GALR2: variants seen among roughly 807,000 people sequenced by gnomAD.
The protein encoded by GALR2 is galanin receptor 2.
A neutral mutation model predicts 7.2 loss-of-function variants in GALR2; 5 were observed. That is an observed-to-expected ratio of 0.69 (90% CI 0.36 to 1.45). The LOEUF (loss-of-function observed/expected upper bound fraction) is 1.45, where lower values mean the gene tolerates loss of function less well. Ranked by LOEUF, GALR2 falls within the 40% of genes most tolerant of loss-of-function variation. The pLI is 0.03. For missense variants in GALR2, 561 were observed against 555.7 expected, an observed-to-expected ratio of 1.01 and a Z score of -0.10; for synonymous variants, 300 against 263.9, an observed-to-expected ratio of 1.14 and a Z score of -1.32.
At position 76,076,527 on chromosome 17, in the gene GALR2, G is replaced by C; in HGVS notation, c.369-109G>C. The stretch of plus-strand genomic sequence containing the variant: ...TCCTCTGTGTGCGGTGTAACCATGC[G>C]CTAAGGACCTTCCTCGAGAGCAGCC... On this transcript the variant is annotated intron_variant, in intron 1 of 1. Transcript: ENST00000329003. The surrounding 1 kb of genome is among the most constrained non-coding windows in gnomAD (Gnocchi z 6.5). 1.4e-6 allele frequency: 1 copy of C among 701,938 alleles called. No individual in the cohort carries two copies. The highest frequency in any genetic ancestry group is 1.8e-5 in the African/African-American group (1 of 56,020). The allele number at this position is 701,938 out of a possible 1,614,324, so 43.5% of individuals were successfully genotyped here. A position where few individuals can be genotyped will look rare whatever the true frequency, so the allele number is the denominator to read the frequency against.
chr17:76,076,681 G>T lies in GALR2; in HGVS notation c.414G>T (p.Thr138=), dbSNP rs767635340. ...RYPLHSRELR[T]PRNALAAIGL... ...CGCTGCACTCCCGCGAGCTGCGCAC[G>T]CCTCGAAACGCGCTGGCAGCCATCG... The change falls in exon 2 of 2, where the codon ACG becomes ACT. Residue 138 remains threonine (T), a synonymous_variant. Coordinates refer to ENST00000329003, the MANE Select transcript of GALR2 (RefSeq NM_003857.4). The surrounding 1 kb of genome is among the most constrained non-coding windows in gnomAD (Gnocchi z 6.5). The T allele has an allele frequency of 6.3e-7, 1 of 1,599,428 alleles. No individual in the cohort carries two copies. Among genetic ancestry groups the T allele is most frequent in the Admixed American group, 1.7e-5 (1 of 59,850 alleles).
Position 76,077,167 on chromosome 17 carries a change from C to T in GALR2, c.900C>T (p.Arg300=), listed in dbSNP as rs1567941892. 6.2e-7 allele frequency: 1 copy of T among 1,612,170 alleles called. No homozygotes were observed. The highest frequency in any genetic ancestry group is 8.5e-7 in the Non-Finnish European group (1 of 1,179,632). The change falls in exon 2 of 2, where the codon CGC becomes CGT. Residue 300 remains arginine, a synonymous_variant. Coordinates refer to ENST00000329003, the MANE Select transcript of GALR2 (RefSeq NM_003857.4). The part of the protein sequence containing the change: ...IVYALVSKHF[R]KGFRTICAGL... ...ACGCGCTGGTCTCCAAGCACTTCCG[C>T]AAAGGCTTCCGCACGATCTGCGCGG... is the stretch of plus-strand genomic sequence containing the variant.
At chr17:76,072,431 CACCGCCGCCGCCACT>C, upstream of GALR2, 1 of 1,569,442 alleles carries the variant, frequency 6.4e-7, no homozygotes, top group East Asian at 2.3e-5. This position sits in a 1 kb window ranked among gnomAD's most constrained non-coding sequence, Gnocchi z 4.5. Flanking sequence ...CCGCCACTGC[CACCGCCGCCGCCACT>C]GCCGCCGCCG....
At chr17:76,074,682 G>T, upstream of GALR2, 1 of 580,638 alleles carries the variant, frequency 1.7e-6, no homozygotes, top group Non-Finnish European at 2.9e-6. This position sits in a 1 kb window ranked among gnomAD's most constrained non-coding sequence, Gnocchi z 6.7. Context: ...CGCTGCTGGG[G>T]ACAACCTCGC....
rs767635340 is a variant in GALR2 at position 76,076,681 on chromosome 17, G to C, written c.414G>C (p.Thr138=). 6.3e-7 allele frequency: 1 copy of C among 1,599,428 alleles called. No individual in the cohort carries two copies. The highest frequency in any genetic ancestry group is 2.2e-5 in the East Asian group (1 of 44,792). Residue 138 remains threonine (T), a synonymous_variant, in exon 2 of 2, where the codon ACG becomes ACC. Transcript: ENST00000329003. This position sits in a 1 kb window ranked among gnomAD's most constrained non-coding sequence, Gnocchi z 6.5. Reference sequence around the variant, plus strand: ...CGCTGCACTCCCGCGAGCTGCGCACGCCTCGAAACGCGCTGGCAGCCATCG... The same window carrying C: ...CGCTGCACTCCCGCGAGCTGCGCACCCCTCGAAACGCGCTGGCAGCCATCG... The part of the protein sequence containing the change: ...RYPLHSRELR[T]PRNALAAIGL...
chr17:76,072,777 C>T (rs1319874846), upstream of GALR2: 7 of 553,712 alleles, frequency 1.3e-5, no homozygotes, highest in Non-Finnish European at 1.9e-5. This position sits in a 1 kb window ranked among gnomAD's most constrained non-coding sequence, Gnocchi z 4.5. Flanking sequence ...GGCGGAGAAC[C>T]GGAGGTGGAC....
At chr17:76,072,429 G>A (rs1567939523), upstream of GALR2, 8 of 1,570,800 alleles carry the variant, frequency 5.1e-6, no homozygotes, top group African/African-American at 5.5e-5. The surrounding 1 kb of genome is among the most constrained non-coding windows in gnomAD (Gnocchi z 4.5). Flanking sequence ...CGCCGCCACT[G>A]CCACCGCCGC....
chr17:76,072,532 G>C (rs778850732), upstream of GALR2: 3 of 1,557,690 alleles, frequency 1.9e-6, no homozygotes, highest in Admixed American at 5.8e-5. The surrounding 1 kb of genome is among the most constrained non-coding windows in gnomAD (Gnocchi z 4.5). Flanking sequence ...TAGGGGAGGC[G>C]GGACGACCTG....
rs1451195514 is a variant in GALR2, at chr17:76,076,123, G to A, written c.369-513G>A. Among the ~76,000 whole-genome samples, 3 of 152,330 alleles carry A rather than the reference G, an allele frequency of 2.0e-5. No homozygotes were observed. The East Asian group carries it at 5.8e-4, about 29-fold the overall frequency. On this transcript the variant is annotated intron_variant, in intron 1 of 1. Transcript: ENST00000329003. The surrounding 1 kb of genome is among the most constrained non-coding windows in gnomAD (Gnocchi z 6.5). ...ACTGAGCGCGAAGTGCGTTGGTTCC[G>A]AGCGCGCTGGTGGGATCCACAAAGC...
chr17:76,074,949 C>G lies in GALR2; in HGVS notation c.66C>G (p.His22Gln). 1 of 1,575,332 alleles carries G rather than the reference C, an allele frequency of 6.3e-7. No homozygotes were observed. Among genetic ancestry groups the G allele is most frequent in the Non-Finnish European group, 8.6e-7 (1 of 1,168,182 alleles). ...ASQAGGGGGW[H>Q]PEAVIVPLLF... ...AGGCGGGCGGCGGGGGAGGCTGGCA[C>G]CCCGAGGCGGTCATCGTGCCCCTGC... The change falls in exon 1 of 2, where the codon CAC becomes CAG. Residue 22 changes from histidine to glutamine, a missense_variant. Physicochemically the swap from His to Gln is conservative, Grantham distance 24. Transcript: ENST00000329003. The surrounding 1 kb of genome is among the most constrained non-coding windows in gnomAD (Gnocchi z 6.7).
Position 76,076,829 on chromosome 17 carries a change from G to C in GALR2, c.562G>C (p.Asp188His). ...AWSAPRRRAM[D>H]ICTFVFSYLL... ...GAGCGCCCCTCGCCGCCGCGCCATG[G>C]ACATCTGCACCTTCGTCTTCAGCTA... The change falls in exon 2 of 2, where the codon GAC becomes CAC. Residue 188 changes from aspartate (D) to histidine (H), a missense_variant. Physicochemically the swap from Asp to His is moderately conservative, Grantham distance 81. Coordinates refer to ENST00000329003, the MANE Select transcript of GALR2 (RefSeq NM_003857.4). The surrounding 1 kb of genome is among the most constrained non-coding windows in gnomAD (Gnocchi z 6.5). The C allele has an allele frequency of 6.2e-7, 1 of 1,605,572 alleles. No individual in the cohort carries two copies. Among genetic ancestry groups the C allele is most frequent in the Non-Finnish European group, 8.5e-7 (1 of 1,179,712 alleles).
At chr17:76,074,176 C>T (rs2066875743), upstream of GALR2, among the ~76,000 whole-genome samples, 1 of 152,024 alleles carries the variant, frequency 6.6e-6, no homozygotes, top group African/African-American at 2.4e-5. The surrounding 1 kb of genome is among the most constrained non-coding windows in gnomAD (Gnocchi z 6.7). Flanking sequence ...ACTAGCCAGA[C>T]GTTGTGGCGG....
upstream of GALR2, chr17:76,072,148 A>ACG (rs1863171476): frequency 3.2e-6 from 4 of 1,264,230 alleles, no homozygotes; most frequent in Admixed American, 1.0e-4. This position sits in a 1 kb window ranked among gnomAD's most constrained non-coding sequence, Gnocchi z 4.5. Flanking sequence ...CGAGAGACAG[A>ACG]CCCCCCCCGG....
At position 76,076,561 on chromosome 17, in the gene GALR2, G is replaced by A; in HGVS notation, c.369-75G>A. 1 of 943,386 alleles carries A rather than the reference G, an allele frequency of 1.1e-6. No homozygotes were observed. The highest frequency in any genetic ancestry group is 1.6e-6 in the Non-Finnish European group (1 of 627,226). The allele number at this position is 943,386 out of a possible 1,614,324, so 58.4% of individuals were successfully genotyped here. A position where few individuals can be genotyped will look rare whatever the true frequency, so the allele number is the denominator to read the frequency against. On this transcript the variant is annotated intron_variant, in intron 1 of 1. Transcript: ENST00000329003. This position sits in a 1 kb window ranked among gnomAD's most constrained non-coding sequence, Gnocchi z 6.5. ...CTTCCTCGAGAGCAGCCTTGGGACC[G>A]AGGTGCAGGGGTCGCGGCCCTCCAG...
At chr17:76,072,655 G>GA (rs929917432), upstream of GALR2, 12 of 1,347,742 alleles carry the variant, frequency 8.9e-6, no homozygotes, top group Non-Finnish European at 9.7e-7. This position sits in a 1 kb window ranked among gnomAD's most constrained non-coding sequence, Gnocchi z 4.5. Context: ...CTGCGCGAGG[G>GA]ATCCTGTCAT....
In GALR2 at chr17:76,077,345, C is replaced by A. The variant is rs752529873; in HGVS notation, c.1078C>A (p.Gln360Lys). 1.3e-6 allele frequency: 2 copies of A among 1,551,234 alleles called. No individual in the cohort carries two copies. Among genetic ancestry groups the A allele is most frequent in the Admixed American group, 1.9e-5 (1 of 53,538 alleles). ...GALRPCPGAS[Q>K]PCILEPCPGP... is the part of the protein sequence containing the mutation. The stretch of plus-strand genomic sequence containing the variant: ...CCTTCGTCCCTGCCCCGGCGCTTCC[C>A]AGCCATGCATCCTCGAGCCCTGTCC... The change falls in exon 2 of 2, where the codon CAG becomes AAG. Residue 360 changes from glutamine (Q) to lysine (K), a missense_variant. Gln to Lys is a moderately conservative substitution (Grantham distance 53). Coordinates refer to ENST00000329003, the MANE Select transcript of GALR2 (RefSeq NM_003857.4).
At position 76,076,748 on chromosome 17, in the gene GALR2, C is replaced by T. The variant is rs1346969630; in HGVS notation, c.481C>T (p.Leu161=). ...GLSLLFSGPY[L]SYYRQSQLAN... is the part of the protein sequence containing the mutation. ...GTCGCTGCTCTTCTCCGGGCCCTAC[C>T]TGAGCTACTACCGCCAGTCGCAGCT... The change falls in exon 2 of 2, where the codon CTG becomes TTG. Residue 161 remains leucine, a synonymous_variant. Coordinates refer to ENST00000329003, the MANE Select transcript of GALR2 (RefSeq NM_003857.4). The surrounding 1 kb of genome is among the most constrained non-coding windows in gnomAD (Gnocchi z 6.5). The T allele has an allele frequency of 1.2e-6, 2 of 1,605,684 alleles. No homozygotes were observed. Among genetic ancestry groups the T allele is most frequent in the South Asian group, 1.1e-5 (1 of 91,084 alleles).
rs61745847 is a variant in GALR2, at chr17:76,077,013, G to T, written c.746G>T (p.Trp249Leu). ...GTGGCCGCGCTCTTCTGCCTCTGCT[G>T]GATGCCCCACCACGCGCTCATCCTC... is the stretch of plus-strand genomic sequence containing the variant. ...LIVAALFCLC[W>L]MPHHALILCV... The change falls in exon 2 of 2, where the codon TGG (tryptophan) becomes TTG (leucine). Residue 249 changes from tryptophan to leucine, a missense_variant. Trp to Leu is a moderately conservative substitution (Grantham distance 61, BLOSUM62 -2). Transcript: ENST00000329003. The T allele has an allele frequency of 7.8e-3, 12,614 of 1,611,624 alleles. 66 individuals carry two copies. Among genetic ancestry groups the T allele is most frequent in the Non-Finnish European group, 8.9e-3 (10,522 of 1,179,874 alleles).
Position 76,076,371 on chromosome 17 carries a change from G to A in GALR2, c.369-265G>A, listed in dbSNP as rs1029583492. On this transcript the variant is annotated intron_variant, in intron 1 of 1. Transcript: ENST00000329003. The surrounding 1 kb of genome is among the most constrained non-coding windows in gnomAD (Gnocchi z 6.5). ...GGAGACTGTGGTTGCAGTCCCCGGGGGCAGCGGGAGAATGGCTTGAAGGCA... is the reference window on the plus strand; with the variant it reads ...GGAGACTGTGGTTGCAGTCCCCGGGAGCAGCGGGAGAATGGCTTGAAGGCA... Among the ~76,000 whole-genome samples, 1 of 152,162 alleles carries A rather than the reference G, an allele frequency of 6.6e-6. No homozygotes were observed. Among genetic ancestry groups the A allele is most frequent in the South Asian group, 2.1e-4 (1 of 4,832 alleles).
Sources: gnomAD v4.1 joint callset for allele counts (sites outside exome capture counted in the v4.1 genomes callset) on GRCh38, gnomAD v4.1.1 for gene constraint, Gnocchi (gnomAD v3.1) non-coding constraint, MANE v1.5 for transcripts, NCBI Gene and HGNC (gene_info 2026-07-23, HGNC 2026-07-21) for gene names.